KRT28: variants seen among roughly 807,000 people sequenced by gnomAD.
KRT28 encodes the protein keratin 28, also known as keratin, type I cytoskeletal 28.
A neutral mutation model predicts 48.1 loss-of-function variants in KRT28; 45 were observed. The ratio of observed to expected loss-of-function variants is 0.94; its 90% CI spans 0.74 to 1.20. The LOEUF is 1.20. Among genes scored for constraint, KRT28 ranks in the 50% most tolerant of loss-of-function variants. The pLI is 0.00. For missense variants in KRT28, 571 were observed against 574.1 expected (o/e 0.99, Z 0.06); for synonymous variants, 228 against 227.4 (o/e 1.00, Z -0.03).
rs935864507 is a variant in KRT28 at position 40,794,124 on chromosome 17, C to T, written c.979-78G>A. The T allele has an allele frequency of 6.6e-6, 10 of 1,520,316 alleles. No individual in the cohort carries two copies. The Admixed American group carries it at 1.6e-4, about 24-fold the overall frequency. 94.2% of individuals were successfully genotyped at this position (1,520,316 alleles called of 1,614,324 possible). ...TAGAACATTGTTTCTCAGTAATCAGCAGGATTGCTCCCTGGGCAATTGTGG... is the reference window on the plus strand; with the variant it reads ...TAGAACATTGTTTCTCAGTAATCAGTAGGATTGCTCCCTGGGCAATTGTGG... On this transcript the variant is annotated intron_variant, in intron 5 of 7. Coordinates refer to ENST00000306658, the MANE Select transcript of KRT28 (RefSeq NM_181535.3).
rs1904663766 is a variant in KRT28, at chr17:40,798,293, T to C, written c.632A>G (p.Glu211Gly). ...DELTLCRTDQ[E>G]LQYESLSEEM... is the part of the protein sequence containing the mutation. ...CTCACTCAGAGACTCATATTGCAGC[T>C]CCTGGTCGGTCCTGCAGAGCGTCAG... The change falls in exon 3 of 8, where the codon GAG becomes GGG. Residue 211 changes from glutamate to glycine, a missense_variant. Glu to Gly is a moderately conservative substitution (Grantham distance 98). Transcript: ENST00000306658. 1 of 1,613,386 alleles carries C rather than the reference T, an allele frequency of 6.2e-7. No individual in the cohort carries two copies.
chr17:40,796,840 A>T, intron 5 of KRT28, 76 bp downstream of exon 5: 2 of 1,498,976 alleles, frequency 1.3e-6, no homozygotes. Flanking sequence ...GGAAAAAAGA[A>T]GGAAGGGCAG....
intron 6 of KRT28, 138 bp downstream of exon 6, chr17:40,793,691 C>CA (rs1298320820): frequency 1.3e-5 from 10 of 784,672 alleles, no homozygotes; most frequent in East Asian, 5.2e-5. Context: ...GACTCTCTTC[C>CA]AAAAAAACAA....
rs553960251 is a variant in KRT28, at chr17:40,796,195, G to A, written c.978+721C>T. ...CAGGAGGCACGAAACCTCTTATGGG[G>A]AAGGGAGTCCTTAGGCCATGTGCAT... On this transcript the variant is annotated intron_variant, in intron 5 of 7. Transcript: ENST00000306658. 6.0e-4 allele frequency among the ~76,000 whole-genome samples: 91 copies of A among 152,342 alleles called. No homozygotes were observed. In the South Asian group the frequency reaches 8.9e-3, roughly 15 times the overall value.
chr17:40,799,581 G>A lies in KRT28; in HGVS notation c.313C>T (p.Arg105Ter), dbSNP rs137918599. 26 of 1,613,900 alleles carry A rather than the reference G, an allele frequency of 1.6e-5. No homozygotes were observed. Among genetic ancestry groups the A allele is most frequent in the African/African-American group, 4.0e-5 (3 of 74,854 alleles). ...TCAGCATTTGCCTCCTCCAGAGCTC[G>A]CACATTATCCAGGTAGGATGCCAAG... is the stretch of plus-strand genomic sequence containing the variant. ...DRLASYLDNV[R>*]ALEEANAELE... The change falls in exon 1 of 8, where the codon CGA becomes TGA. Residue 105 changes from arginine (R) to a stop codon, truncating the protein, a stop_gained. Coordinates refer to ENST00000306658, the MANE Select transcript of KRT28 (RefSeq NM_181535.3). LOFTEE classifies it high-confidence loss of function.
Position 40,794,200 on chromosome 17 carries a change from T to C in KRT28, c.979-154A>G, listed in dbSNP as rs28441989. 4.3e-3 allele frequency among the ~76,000 whole-genome samples: 654 copies of C among 152,244 alleles called. 4 individuals carry two copies. The highest frequency in any genetic ancestry group is 0.015 in the African/African-American group (624 of 41,544). Reference sequence around the variant, plus strand: ...AATGGGAAAGAAAGGAGGCTGGCATTTATGAAGTGAGGGCCAGGCATGATG... The same window carrying C: ...AATGGGAAAGAAAGGAGGCTGGCATCTATGAAGTGAGGGCCAGGCATGATG... On this transcript the variant is annotated intron_variant, in intron 5 of 7. Coordinates refer to ENST00000306658, the MANE Select transcript of KRT28 (RefSeq NM_181535.3).
chr17:40,792,804 A>G (rs1904523195), intron 7 of KRT28, among the ~76,000 whole-genome samples: 1 of 152,206 alleles, frequency 6.6e-6, no homozygotes, highest in South Asian at 2.1e-4. Context: ...ATGTAAAAGT[A>G]TTGCTGTGAT....
At position 40,799,423 on chromosome 17, in the gene KRT28, T is replaced by A. The variant is rs146221379; in HGVS notation, c.450+21A>T. On this transcript the variant is annotated intron_variant, in intron 1 of 7. Coordinates refer to ENST00000306658, the MANE Select transcript of KRT28 (RefSeq NM_181535.3). Reference sequence around the variant, plus strand: ...CTTAGTTTTAAATACTTGGGTTAGTTCCAAATCTGTGATTTCTCACCTTAT... The same window carrying A: ...CTTAGTTTTAAATACTTGGGTTAGTACCAAATCTGTGATTTCTCACCTTAT... 29 of 1,572,248 alleles carry A rather than the reference T, an allele frequency of 1.8e-5. No homozygotes were observed. The Middle Eastern group carries it at 5.1e-4, about 28-fold the overall frequency.
chr17:40,794,959 T>C (rs1399766780), intron 5 of KRT28, among the ~76,000 whole-genome samples: 1 of 152,226 alleles, frequency 6.6e-6, no homozygotes, highest in Non-Finnish European at 1.5e-5. Flanking sequence ...GCCCAAGTAT[T>C]TACCTAGTAA....
At position 40,797,119 on chromosome 17, in the gene KRT28, CCTT is replaced by C. The variant is rs1189389650; in HGVS notation, c.850_852del (p.Lys284del). ...GAGCAGGGAGACGGGGCCCACCTCA[CCTT>C]CTCATTGAACCAGGCCTCCGCGTCC... On this transcript the variant is annotated inframe_deletion and splice_region_variant, in exon 4 of 8. Coordinates refer to ENST00000306658, the MANE Select transcript of KRT28 (RefSeq NM_181535.3). The C allele has an allele frequency of 6.2e-7, 1 of 1,613,608 alleles. No homozygotes were observed. Among genetic ancestry groups the C allele is most frequent in the Non-Finnish European group, 8.5e-7 (1 of 1,179,672 alleles).
Position 40,799,705 on chromosome 17 carries a change from A to G in KRT28, c.189T>C (p.Gly63=). The change falls in exon 1 of 8, where the codon GGT becomes GGC. Residue 63 remains glycine, a synonymous_variant. Coordinates refer to ENST00000306658, the MANE Select transcript of KRT28 (RefSeq NM_181535.3). ...LGSVPGGSHA[G]GALGNAACIG... is the part of the protein sequence containing the mutation. Reference sequence around the variant, plus strand: ...TACAAGCAGCATTTCCAAGGGCACCACCAGCATGGCTCCCACCAGGAACAC... The same window carrying G: ...TACAAGCAGCATTTCCAAGGGCACCGCCAGCATGGCTCCCACCAGGAACAC... 6.2e-7 allele frequency: 1 copy of G among 1,614,022 alleles called. No homozygotes were observed. The highest frequency in any genetic ancestry group is 1.1e-5 in the South Asian group (1 of 91,056).
chr17:40,793,318 T>C, intron 6 of KRT28, 108 bp from the exon 7 acceptor site: 1 of 625,102 alleles, frequency 1.6e-6, no homozygotes, highest in East Asian at 3.3e-5. Context: ...GGTCTTAGTT[T>C]TCTATAGAGG....
Position 40,796,980 on chromosome 17 carries a change from T to A in KRT28, c.914A>T (p.Gln305Leu), listed in dbSNP as rs1205769785. 1 of 1,612,842 alleles carries A rather than the reference T, an allele frequency of 6.2e-7. No individual in the cohort carries two copies. The highest frequency in any genetic ancestry group is 1.3e-5 in the African/African-American group (1 of 74,812). The change falls in exon 5 of 8, where the codon CAG becomes CTG. Residue 305 changes from glutamine (Q) to leucine (L), a missense_variant. Gln to Leu is a moderately radical substitution (Grantham distance 113). Transcript: ENST00000306658. ...DSGAATFARSQLTEMRRTLQT... is the reference protein window; with the variant it reads ...DSGAATFARSLLTEMRRTLQT... ...CAGGGTGCGCCTCATCTCGGTGAGC[T>A]GGCTCCGGGCGAAAGTGGCTGCGCC...
In KRT28 at chr17:40,799,677, C is replaced by T; in HGVS notation, c.217G>A (p.Gly73Ser). 6.2e-7 allele frequency: 1 copy of T among 1,614,096 alleles called. No homozygotes were observed. Among genetic ancestry groups the T allele is most frequent in the African/African-American group, 1.3e-5 (1 of 75,026 alleles). The part of the protein sequence containing the change: ...GGALGNAACI[G>S]FAGSEGGLLS... ...AGTCCCCCTTCGCTTCCAGCAAAGC[C>T]AATACAAGCAGCATTTCCAAGGGCA... The change falls in exon 1 of 8, where the codon GGC (glycine) becomes AGC (serine). Residue 73 changes from glycine (G) to serine (S), a missense_variant. Coordinates refer to ENST00000306658, the MANE Select transcript of KRT28 (RefSeq NM_181535.3).
rs747840733 is a variant in KRT28, at chr17:40,797,028, TGCAGCGAG to T, written c.858_865del (p.Ser287AlafsTer85). 6.2e-7 allele frequency: 1 copy of T among 1,612,130 alleles called. No individual in the cohort carries two copies. Among genetic ancestry groups the T allele is most frequent in the South Asian group, 1.1e-5 (1 of 90,888 alleles). ...GCCTGAGTCGTGGGAGATCTGTTGCTGCAGCGAGGCGCTCTGTAGGGCCGGGAAAAAGG... is the reference window on the plus strand; with the variant it reads ...GCCTGAGTCGTGGGAGATCTGTTGCTGCGCTCTGTAGGGCCGGGAAAAAGG... On this transcript the variant is annotated frameshift_variant, in exon 5 of 8. Coordinates refer to ENST00000306658, the MANE Select transcript of KRT28 (RefSeq NM_181535.3). LOFTEE classifies it high-confidence loss of function.
At chr17:40,795,038 G>T (rs1209905966) in intron 5 of KRT28, among the ~76,000 whole-genome samples, 1 of 152,064 alleles carries the variant, frequency 6.6e-6, no homozygotes, top group Admixed American at 6.5e-5. Flanking sequence ...AAATAATTTT[G>T]TATATTTCTA....
At chr17:40,797,813 C>A (rs894725753) in intron 3 of KRT28, among the ~76,000 whole-genome samples, 1 of 152,028 alleles carries the variant, frequency 6.6e-6, no homozygotes, top group Non-Finnish European at 1.5e-5. Flanking sequence ...ACCACCACCA[C>A]CAAAAACAGT....
chr17:40,797,376 C>T, intron 3 of KRT28, 95 bp from the exon 4 acceptor site: 5 of 1,232,976 alleles, frequency 4.1e-6, no homozygotes, highest in Non-Finnish European at 4.6e-6. Flanking sequence ...TCAAAGTTTG[C>T]GGTCAGGTGT....
Position 40,799,601 on chromosome 17 carries a change from G to A in KRT28, c.293C>T (p.Ala98Val). 1 of 1,614,000 alleles carries A rather than the reference G, an allele frequency of 6.2e-7. No individual in the cohort carries two copies. The highest frequency in any genetic ancestry group is 8.5e-7 in the Non-Finnish European group (1 of 1,179,940). ...AGCTCGCACATTATCCAGGTAGGAT[G>A]CCAAGCGGTCATTAAGATTTTGCAT... ...VTMQNLNDRL[A>V]SYLDNVRALE... Residue 98 changes from alanine (A) to valine (V), a missense_variant, in exon 1 of 8, where the codon GCA (alanine) becomes GTA (valine). By Grantham distance (64) the Ala-to-Val change is moderately conservative. Coordinates refer to ENST00000306658, the MANE Select transcript of KRT28 (RefSeq NM_181535.3).
Sources: gnomAD v4.1 joint callset for allele counts (sites outside exome capture counted in the v4.1 genomes callset) on GRCh38, gnomAD v4.1.1 for gene constraint, MANE v1.5 for transcripts, NCBI Gene and HGNC (gene_info 2026-07-23, HGNC 2026-07-21) for gene names.